Variants in NKAIN2 observed in about 807,000 individuals in gnomAD.
NKAIN2 encodes the protein sodium/potassium-transporting ATPase subunit beta-1-interacting protein 2.
NKAIN2 carries 14 observed loss-of-function variants against 32.6 expected under a neutral mutation model. The observed-to-expected ratio is 0.43, with a 90% CI of 0.28 to 0.67. The LOEUF is 0.67. Ranked by LOEUF, NKAIN2 falls within the 30% of genes least tolerant of loss-of-function variation. The pLI, the probability that NKAIN2 is intolerant of heterozygous loss-of-function variation, is 0.17. For synonymous variants in NKAIN2, 80 were observed against 87.2 expected, an observed-to-expected ratio of 0.92 and a Z score of 0.46; for missense variants, 198 against 258.3, an observed-to-expected ratio of 0.77 and a Z score of 1.60.
intron 1 of NKAIN2, among the ~76,000 whole-genome samples, chr6:124,195,049 AT>A (rs1218032201): frequency 8.7e-5 from 12 of 138,632 alleles, no homozygotes; most frequent in African/African-American, 2.7e-4. Context: ...CAATTTTTTT[AT>A]TTTTTGTGTT....
intron 1 of NKAIN2, among the ~76,000 whole-genome samples, chr6:124,168,003 G>T (rs918117819): frequency 6.6e-6 from 1 of 152,068 alleles, no homozygotes; most frequent in African/African-American, 2.4e-5. Flanking sequence ...AACCCATGTG[G>T]TACCCACATA....
chr6:124,415,131 C>T (rs534426232), intron 3 of NKAIN2, among the ~76,000 whole-genome samples: 19 of 152,294 alleles, frequency 1.2e-4, no homozygotes, highest in African/African-American at 3.8e-4. Flanking sequence ...TTAGTTCAAT[C>T]CAGACACTAT....
At chr6:124,568,422 T>C (rs1269078878) in intron 3 of NKAIN2, among the ~76,000 whole-genome samples, 1 of 152,186 alleles carries the variant, frequency 6.6e-6, no homozygotes, top group Non-Finnish European at 1.5e-5. Context: ...CTAAACATTT[T>C]ACATATATCA....
chr6:124,749,690 C>T (rs1378556215), intron 4 of NKAIN2, among the ~76,000 whole-genome samples: 1 of 151,768 alleles, frequency 6.6e-6, no homozygotes, highest in Non-Finnish European at 1.5e-5. Context: ...CCCAGTGCAC[C>T]CTCCAGATTT....
intron 3 of NKAIN2, among the ~76,000 whole-genome samples, chr6:124,545,159 C>A (rs1474500359): frequency 2.6e-5 from 4 of 152,158 alleles, no homozygotes. Context: ...TTCACTAAGG[C>A]ACATTTTGTG....
intron 1 of NKAIN2, among the ~76,000 whole-genome samples, chr6:123,910,740 G>A (rs972930844): frequency 7.3e-5 from 11 of 151,622 alleles, no homozygotes; most frequent in Non-Finnish European, 1.5e-4. Context: ...TCTTGACCTC[G>A]TGATCTGCCC....
chr6:124,370,383 G>T (rs1562135280), intron 3 of NKAIN2, among the ~76,000 whole-genome samples: 1 of 151,910 alleles, frequency 6.6e-6, no homozygotes, highest in African/African-American at 2.4e-5. Context: ...AATCAGAAAG[G>T]CATCTTAGAA....
chr6:124,379,574 G>C (rs9491143), intron 3 of NKAIN2, among the ~76,000 whole-genome samples: 1 of 151,828 alleles, frequency 6.6e-6, no homozygotes, highest in East Asian at 1.9e-4. Context: ...CAGCAATTCT[G>C]TGTGGGAAAA....
chr6:124,052,445 A>C (rs771340597), intron 1 of NKAIN2, among the ~76,000 whole-genome samples: 13 of 152,074 alleles, frequency 8.5e-5, no homozygotes, highest in Non-Finnish European at 1.2e-4. Context: ...GATGATATTA[A>C]CCAAACCTCG....
rs118070520 is a variant in NKAIN2 at position 123,867,595 on chromosome 6, T to C, written c.54+63341T>C. 3.3e-3 allele frequency among the ~76,000 whole-genome samples: 499 copies of C among 152,380 alleles called. 4 individuals are homozygous for C. Among genetic ancestry groups the C allele is most frequent in the Middle Eastern group, 0.02 (6 of 294 alleles). ...CAAATAAATAGGGACTCAAAAATGT[T>C]GGCTATTGCCAATTATATGTGGTTT... On this transcript the variant is annotated intron_variant, in intron 1 of 6. Coordinates refer to ENST00000368417, the MANE Select transcript of NKAIN2 (RefSeq NM_001040214.3).
chr6:124,623,716 A>G (rs1286319347), intron 3 of NKAIN2, among the ~76,000 whole-genome samples: 6 of 152,194 alleles, frequency 3.9e-5, no homozygotes, highest in Admixed American at 3.9e-4. Flanking sequence ...GATATAAACA[A>G]TGTGCAACCA....
chr6:124,437,379 T>C (rs1775493582), intron 3 of NKAIN2, among the ~76,000 whole-genome samples: 2 of 152,226 alleles, frequency 1.3e-5, no homozygotes, highest in East Asian at 1.9e-4. Context: ...TTTGACCAAG[T>C]AAATAATTGC....
At chr6:123,835,175 TCTC>T (rs1263451332) in intron 1 of NKAIN2, among the ~76,000 whole-genome samples, 4 of 152,204 alleles carry the variant, frequency 2.6e-5, no homozygotes, top group Non-Finnish European at 4.4e-5. Context: ...TTCACCGACA[TCTC>T]CTTGTATCCA....
chr6:124,735,975 A>G (rs1183861107), intron 4 of NKAIN2, among the ~76,000 whole-genome samples: 1 of 151,924 alleles, frequency 6.6e-6, no homozygotes. Context: ...CTTTAAATCA[A>G]AAGCTAGAAA....
intron 1 of NKAIN2, among the ~76,000 whole-genome samples, chr6:124,096,956 G>A (rs986450340): frequency 1.3e-5 from 2 of 151,502 alleles, no homozygotes; most frequent in Non-Finnish European, 2.9e-5. Context: ...ACTTCAAAAT[G>A]TTTATTGAAC....
chr6:124,591,264 C>T (rs1003302545), intron 3 of NKAIN2, among the ~76,000 whole-genome samples: 3 of 152,098 alleles, frequency 2.0e-5, no homozygotes, highest in Non-Finnish European at 2.9e-5. Flanking sequence ...CTCTTCTGGC[C>T]CGAGACAAGA....
At chr6:123,854,677 G>A (rs1032245491) in intron 1 of NKAIN2, among the ~76,000 whole-genome samples, 6 of 152,128 alleles carry the variant, frequency 3.9e-5, no homozygotes, top group African/African-American at 1.4e-4. Context: ...TAGCCTTAGA[G>A]TACATAAGTA....
intron 1 of NKAIN2, among the ~76,000 whole-genome samples, chr6:124,198,529 T>C (rs932193312): frequency 3.3e-5 from 5 of 151,820 alleles, no homozygotes; most frequent in African/African-American, 7.3e-5. Context: ...TGAGTGGGTA[T>C]AGGATTGCAG....
intron 3 of NKAIN2, among the ~76,000 whole-genome samples, chr6:124,571,601 T>G (rs1781130046): frequency 6.6e-6 from 1 of 152,204 alleles, no homozygotes; most frequent in African/African-American, 2.4e-5. Flanking sequence ...GCCATGATTC[T>G]GATGCCTCCT....
Sources: gnomAD v4.1 joint callset for allele counts (sites outside exome capture counted in the v4.1 genomes callset) on GRCh38, gnomAD v4.1.1 for gene constraint, MANE v1.5 for transcripts, NCBI Gene and HGNC (gene_info 2026-07-23, HGNC 2026-07-21) for gene names.